Variants in PLXNA4 observed in about 807,000 individuals in gnomAD.
The protein encoded by PLXNA4 is plexin-A4.
A neutral mutation model predicts 191.8 loss-of-function variants in PLXNA4; 44 were observed. The ratio of observed to expected loss-of-function variants is 0.23; its 90% CI spans 0.18 to 0.29. The LOEUF (loss-of-function observed/expected upper bound fraction) is 0.29, where lower values mean the gene tolerates loss of function less well. Ranked by LOEUF, PLXNA4 falls within the 10% of genes least tolerant of loss-of-function variation. The pLI, the probability that PLXNA4 is intolerant of heterozygous loss-of-function variation, is 1.00. For missense variants in PLXNA4, 1,800 were observed against 2,488.8 expected (o/e 0.72, Z 5.89); for synonymous variants, 1,082 against 1,009.5 (o/e 1.07, Z -1.36).
At chr7:132,489,674 A>G (rs967294034) in intron 2 of PLXNA4, among the ~76,000 whole-genome samples, 200 bp from the exon 3 acceptor site, 3 of 152,162 alleles carry the variant, frequency 2.0e-5, no homozygotes, top group Non-Finnish European at 4.4e-5. Context: ...GTGCAGGGAC[A>G]TGGCAGAAAA....
intron 1 of PLXNA4, among the ~76,000 whole-genome samples, chr7:132,541,897 C>T (rs1047694009): frequency 6.6e-6 from 1 of 152,182 alleles, no homozygotes; most frequent in African/African-American, 2.4e-5. Flanking sequence ...GAGACTCACT[C>T]AACAAATGAA....
chr7:132,480,366 G>T (rs1390293762), intron 3 of PLXNA4, among the ~76,000 whole-genome samples: 1 of 152,216 alleles, frequency 6.6e-6, no homozygotes, highest in African/African-American at 2.4e-5. Flanking sequence ...GTCACAAGGA[G>T]ACTGGCTAAT....
chr7:132,618,737 C>T (rs1803204574), intron 2 of PLXNA4, among the ~76,000 whole-genome samples: 1 of 152,044 alleles, frequency 6.6e-6, no homozygotes, highest in Admixed American at 6.6e-5. Flanking sequence ...TGTTTAGCCC[C>T]CATGAAATAT....
rs544505364 is a variant in PLXNA4, at chr7:132,146,718, A to AC, written c.4865-19dup. On this transcript the variant is annotated intron_variant, in intron 27 of 31. Coordinates refer to ENST00000321063, the MANE Select transcript of PLXNA4 (RefSeq NM_020911.2). ...CATGTTTTCTGCCAAGGCAAGGATC[A>AC]CCCCCCGACATATGTGAGGCCACAC... 6.2e-6 allele frequency: 10 copies of AC among 1,611,518 alleles called. No individual in the cohort carries two copies. In the East Asian group the frequency reaches 1.6e-4, roughly 25 times the overall value.
At chr7:132,349,448 G>C (rs741663) in intron 3 of PLXNA4, among the ~76,000 whole-genome samples, 2 of 152,000 alleles carry the variant, frequency 1.3e-5, no homozygotes, top group African/African-American at 2.4e-5. Flanking sequence ...GGCTACCAAG[G>C]GGGGCCACTG....
intron 3 of PLXNA4, chr7:132,485,053 GA>G (rs749679372): frequency 7.1e-5 from 113 of 1,591,066 alleles, no homozygotes; most frequent in African/African-American, 2.9e-4. Context: ...ACAGGCTTGA[GA>G]AAAAAAAATT....
chr7:132,251,103 T>C (rs1237494707), intron 4 of PLXNA4, among the ~76,000 whole-genome samples: 2 of 151,238 alleles, frequency 1.3e-5, no homozygotes, highest in African/African-American at 4.9e-5. Context: ...ATTAGAAACT[T>C]TCATGTTACT....
chr7:132,268,417 C>A (rs1799934474), intron 4 of PLXNA4, among the ~76,000 whole-genome samples: 1 of 152,228 alleles, frequency 6.6e-6, no homozygotes, highest in Non-Finnish European at 1.5e-5. Flanking sequence ...GACTGGCTTT[C>A]TGCCCACTCT....
upstream of PLXNA4, among the ~76,000 whole-genome samples, chr7:132,578,245 A>T (rs112633118): frequency 0.038 from 5,698 of 151,732 alleles, 247 homozygotes; most frequent in African/African-American, 0.1. Flanking sequence ...TGTGCATGCC[A>T]CCCTCATCCT....
chr7:132,629,401 A>G (rs979488293), intron 2 of PLXNA4, among the ~76,000 whole-genome samples: 6 of 152,036 alleles, frequency 3.9e-5, no homozygotes, highest in African/African-American at 1.4e-4. Context: ...GGTAGGTCCT[A>G]TTCTATTATT....
intron 13 of PLXNA4, among the ~76,000 whole-genome samples, chr7:132,194,643 C>T (rs1797196831): frequency 6.6e-6 from 1 of 152,154 alleles, no homozygotes; most frequent in Admixed American, 6.5e-5. Flanking sequence ...TGGGTTGCCT[C>T]AGTGAAGTGC....
chr7:132,558,963 G>A (rs566322996), intron 1 of PLXNA4, among the ~76,000 whole-genome samples: 150 of 152,220 alleles, frequency 9.9e-4, no homozygotes, highest in African/African-American at 2.6e-3. Context: ...GGCCTTACCC[G>A]CAGTGGACAG....
At chr7:132,582,184 G>GC (rs1416914460), upstream of PLXNA4, among the ~76,000 whole-genome samples, 2 of 152,234 alleles carry the variant, frequency 1.3e-5, no homozygotes, top group African/African-American at 4.8e-5. Context: ...TCTTGGCACT[G>GC]CCTAGTACAC....
intron 3 of PLXNA4, among the ~76,000 whole-genome samples, chr7:132,355,135 G>T (rs946240124): frequency 6.6e-6 from 1 of 152,262 alleles, no homozygotes; most frequent in Admixed American, 6.5e-5. Flanking sequence ...CAAGCCTTTG[G>T]ATCTCCAGCA....
At chr7:132,209,834 G>T (rs1389815434) in intron 10 of PLXNA4, among the ~76,000 whole-genome samples, 4 of 152,156 alleles carry the variant, frequency 2.6e-5, no homozygotes, top group African/African-American at 9.7e-5. Context: ...TGTGACATAG[G>T]AGGGGTCCTC....
At chr7:132,131,218 A>G (rs763452935) in intron 31 of PLXNA4, among the ~76,000 whole-genome samples, 3 of 152,222 alleles carry the variant, frequency 2.0e-5, no homozygotes, top group Non-Finnish European at 2.9e-5. Flanking sequence ...GACAGCCAGC[A>G]AATGTGGCCC....
At chr7:132,318,721 G>A (rs1255422903) in intron 3 of PLXNA4, among the ~76,000 whole-genome samples, 2 of 141,726 alleles carry the variant, frequency 1.4e-5, no homozygotes, top group African/African-American at 5.4e-5. Context: ...TCTGTCCCCT[G>A]AAGGGAGAAA....
chr7:132,348,673 C>A (rs1026266917), intron 3 of PLXNA4, among the ~76,000 whole-genome samples: 15 of 152,142 alleles, frequency 9.9e-5, no homozygotes, highest in African/African-American at 3.1e-4. Context: ...CAATAGGAAG[C>A]AAAGTAAGCA....
intron 20 of PLXNA4, among the ~76,000 whole-genome samples, chr7:132,177,125 GT>G (rs1796500703): frequency 6.6e-6 from 1 of 151,996 alleles, no homozygotes; most frequent in African/African-American, 2.4e-5. Flanking sequence ...AAGCATGAGT[GT>G]GTGAGCATGT....
Sources: gnomAD v4.1 joint callset for allele counts (sites outside exome capture counted in the v4.1 genomes callset) on GRCh38, gnomAD v4.1.1 for gene constraint, MANE v1.5 for transcripts, NCBI Gene and HGNC (gene_info 2026-07-23, HGNC 2026-07-21) for gene names.